The following IL21R variants were observed in gnomAD, a reference collection of about 807,000 sequenced individuals.
The protein encoded by IL21R is interleukin 21 receptor.
Under a neutral mutation model 41.3 loss-of-function variants are expected in IL21R, and 14 were observed. The ratio of observed to expected loss-of-function variants is 0.34; its 90% CI spans 0.22 to 0.53. The LOEUF is 0.53. IL21R is among the 20% of genes least tolerant of loss of function. The probability of loss-of-function intolerance (pLI) is 0.94; values close to 1 mark genes in which losing one functional copy is unlikely to be tolerated. For missense variants in IL21R, 588 were observed against 681.6 expected (o/e 0.86, Z 1.53); for synonymous variants, 286 against 287.6 (o/e 0.99, Z 0.05).
intron 1 of IL21R, among the ~76,000 whole-genome samples, chr16:27,428,744 G>A (rs762665135): frequency 1.8e-4 from 27 of 152,220 alleles, no homozygotes; most frequent in Admixed American, 4.6e-4. Context: ...TCTCCATCCT[G>A]GCCCAAATTA....
At chr16:27,410,660 C>T (rs1047981485) in intron 1 of IL21R, among the ~76,000 whole-genome samples, 59 of 152,110 alleles carry the variant, frequency 3.9e-4, no homozygotes, top group African/African-American at 1.0e-3. Context: ...TATAGTGTCC[C>T]GGGTTTGGAT....
chr16:27,409,670 T>C (rs530782343), intron 1 of IL21R, among the ~76,000 whole-genome samples: 1 of 152,326 alleles, frequency 6.6e-6, no homozygotes, highest in East Asian at 1.9e-4. Flanking sequence ...ATCAAGTGGT[T>C]GAATACATGA....
At chr16:27,416,773 C>T (rs931035154) in intron 1 of IL21R, among the ~76,000 whole-genome samples, 4 of 152,138 alleles carry the variant, frequency 2.6e-5, no homozygotes, top group African/African-American at 9.7e-5. Context: ...TACTCTCTAT[C>T]CCCCCTCCCC....
At chr16:27,416,552 G>A (rs2086895497) in intron 1 of IL21R, among the ~76,000 whole-genome samples, 1 of 151,942 alleles carries the variant, frequency 6.6e-6, no homozygotes, top group South Asian at 2.1e-4. Flanking sequence ...TATATCTCTT[G>A]ATGCAGGTCT....
At chr16:27,421,734 G>A (rs1455967537) in intron 1 of IL21R, among the ~76,000 whole-genome samples, 1 of 151,912 alleles carries the variant, frequency 6.6e-6, no homozygotes, top group Non-Finnish European at 1.5e-5. Flanking sequence ...TTGTTTATTA[G>A]CTCTAATTGG....
At chr16:27,429,923 T>A in intron 1 of IL21R, 133 bp from the exon 2 acceptor site, 1 of 699,670 alleles carries the variant, frequency 1.4e-6, no homozygotes, top group South Asian at 1.9e-5. Flanking sequence ...CACAGGCCCC[T>A]CGGGATCTTG....
At chr16:27,446,824 C>T (rs369317832) in intron 8 of IL21R, among the ~76,000 whole-genome samples, 10 of 152,334 alleles carry the variant, frequency 6.6e-5, no homozygotes, top group East Asian at 1.9e-4. Context: ...CACCACCACC[C>T]GCCAGCACCC....
intron 1 of IL21R, among the ~76,000 whole-genome samples, chr16:27,418,541 TTG>T (rs1224148121): frequency 1.3e-5 from 2 of 151,876 alleles, no homozygotes; most frequent in Non-Finnish European, 2.9e-5. Context: ...GCTAATTTTT[TTG>T]GTATTTTTAG....
intron 1 of IL21R, among the ~76,000 whole-genome samples, chr16:27,412,763 T>C (rs1376473367): frequency 6.6e-6 from 1 of 152,178 alleles, no homozygotes; most frequent in Non-Finnish European, 1.5e-5. Flanking sequence ...TTTGCTTAAG[T>C]TTCTTTTTGG....
chr16:27,439,226 GCA>G (rs1300889000), intron 4 of IL21R, among the ~76,000 whole-genome samples: 4 of 151,630 alleles, frequency 2.6e-5, no homozygotes, highest in Admixed American at 2.6e-4. Flanking sequence ...ACAGACTCAC[GCA>G]CACACAGACT....
intron 1 of IL21R, among the ~76,000 whole-genome samples, chr16:27,416,286 G>A (rs537321735): frequency 3.9e-5 from 6 of 151,948 alleles, no homozygotes; most frequent in Non-Finnish European, 5.9e-5. Flanking sequence ...ACAGGTTTGC[G>A]CCACCACACC....
Position 27,432,386 on chromosome 16 carries a change from C to T in IL21R, c.50-1961C>T, listed in dbSNP as rs371111371. 6.2e-4 allele frequency among the ~76,000 whole-genome samples: 94 copies of T among 152,302 alleles called. No individual in the cohort carries two copies. In the South Asian group the frequency reaches 1.0e-2, roughly 16 times the overall value. On this transcript the variant is annotated intron_variant, in intron 2 of 8. Coordinates refer to ENST00000337929, the MANE Select transcript of IL21R (RefSeq NM_181078.3). Reference sequence around the variant, plus strand: ...TGTGCACCTCTCACTGCCTCCTGCACGCTTTCATAACCCCAGACATGGGAT... The same window carrying T: ...TGTGCACCTCTCACTGCCTCCTGCATGCTTTCATAACCCCAGACATGGGAT...
chr16:27,424,896 C>A (rs1198607399), intron 1 of IL21R, among the ~76,000 whole-genome samples: 27 of 152,162 alleles, frequency 1.8e-4, no homozygotes. Context: ...CCTCAGGGAG[C>A]CTTTACTCAA....
rs200379224 is a variant in IL21R at position 27,446,044 on chromosome 16, C to T, written c.823C>T (p.Arg275Trp). The change falls in exon 8 of 9, where the codon CGG becomes TGG. Residue 275 changes from arginine to tryptophan, a missense_variant. Physicochemically the swap from Arg to Trp is moderately radical, Grantham distance 101. Coordinates refer to ENST00000337929, the MANE Select transcript of IL21R (RefSeq NM_181078.3). ...KKIWAVPSPE[R>W]FFMPLYKGCS... ...GATATGGGCCGTCCCCAGCCCTGAG[C>T]GGTTCTTCATGCCCCTGTACAAGGG... 80 of 1,613,808 alleles carry T rather than the reference C, an allele frequency of 5.0e-5. No individual in the cohort carries two copies. Among genetic ancestry groups the T allele is most frequent in the Non-Finnish European group, 4.9e-5 (58 of 1,179,860 alleles).
chr16:27,403,219 T>C, intron 1 of IL21R: 2 of 1,336,672 alleles, frequency 1.5e-6, no homozygotes, highest in Non-Finnish European at 2.0e-6. Flanking sequence ...ACGGGTCGGA[T>C]GGTAAGAGGC....
At position 27,427,190 on chromosome 16, in the gene IL21R, G is replaced by C. The variant is rs1004053074; in HGVS notation, c.-16-2866G>C. The C allele has an allele frequency of 1.7e-5, 10 of 583,896 alleles. No homozygotes were observed. The African/African-American group carries it at 2.0e-4, about 12-fold the overall frequency. The allele number at this position is 583,896 out of a possible 1,614,324, so 36.2% of individuals were successfully genotyped here. On this transcript the variant is annotated intron_variant, in intron 1 of 8. Coordinates refer to ENST00000337929, the MANE Select transcript of IL21R (RefSeq NM_181078.3). ...TGTGGTCAGACAGATGGGGTGTTTT[G>C]ATTGGCCAAGCCTGGGTCAGGAGCC...
chr16:27,439,383 CGT>C (rs1596590552), intron 4 of IL21R, among the ~76,000 whole-genome samples: 1 of 151,240 alleles, frequency 6.6e-6, no homozygotes, highest in South Asian at 2.1e-4. Flanking sequence ...CACACACACA[CGT>C]ACACAATACA....
intron 1 of IL21R, among the ~76,000 whole-genome samples, chr16:27,412,236 T>G (rs2086833291): frequency 6.6e-6 from 1 of 152,190 alleles, no homozygotes; most frequent in African/African-American, 2.4e-5. Flanking sequence ...TTGTAGATCA[T>G]TTGACTATAT....
chr16:27,425,554 G>T (rs1444302643), intron 1 of IL21R, among the ~76,000 whole-genome samples: 72 of 148,718 alleles, frequency 4.8e-4, no homozygotes, highest in Admixed American at 1.3e-3. Context: ...TTTGTGTTTT[G>T]TTTTGTTTTT....
Sources: gnomAD v4.1 joint callset for allele counts (sites outside exome capture counted in the v4.1 genomes callset) on GRCh38, gnomAD v4.1.1 for gene constraint, MANE v1.5 for transcripts, NCBI Gene and HGNC (gene_info 2026-07-23, HGNC 2026-07-21) for gene names.